The following HCFC1 variants were observed in gnomAD, a reference collection of about 807,000 sequenced individuals.
HCFC1 encodes host cell factor 1.
Under a neutral mutation model 105.5 loss-of-function variants are expected in HCFC1, and 7 were observed. The ratio of observed to expected loss-of-function variants is 0.07; its 90% CI spans 0.04 to 0.12. HCFC1 has a LOEUF of 0.12. Ranked by LOEUF, HCFC1 falls within the 10% of genes least tolerant of loss-of-function variation. HCFC1 has a pLI of 1.00. For missense variants in HCFC1, 1,065 were observed against 1,823.6 expected (o/e 0.58, Z 7.58); for synonymous variants, 918 against 828.1 (o/e 1.11, Z -1.86).
chrX:153,967,950 G>A (rs2065488089), intron 1 of HCFC1, among the ~76,000 whole-genome samples: 1 of 111,442 alleles, frequency 9.0e-6, no homozygotes, highest in Non-Finnish European at 1.9e-5. Context: ...AAGACAGGTG[G>A]CAGAACGGCC....
chrX:153,968,697 A>C (rs2065495850), intron 1 of HCFC1, among the ~76,000 whole-genome samples: 1 of 112,783 alleles, frequency 8.9e-6, no homozygotes, highest in Admixed American at 9.3e-5. Flanking sequence ...GGCCCCAGGA[A>C]GCCAAGGCAG....
rs953124877 is a variant in HCFC1 at position 153,962,004 on chromosome X, T to G, written c.797+218A>C. Among the ~76,000 whole-genome samples, 4 of 109,466 alleles carry G rather than the reference T, an allele frequency of 3.7e-5. No homozygotes were observed. In the East Asian group the frequency reaches 1.1e-3, roughly 31 times the overall value. ...CGGAGCCTCACAGGCCCGGGGAGGG[T>G]CTCAGACTCAGCTTGTGTGTGGCCC... On this transcript the variant is annotated intron_variant, in intron 5 of 25. Transcript: ENST00000310441.
chrX:153,952,117 C>A lies in HCFC1; in HGVS notation c.4984G>T (p.Val1662Leu). Reference protein sequence around the residue: ...PMDTSEAAATVTQAELGHLSA... With the variant: ...PMDTSEAAATLTQAELGHLSA... ...AGGTGCCCCAGCTCCGCCTGAGTCA[C>A]GGTTGCTGCTGCCTCGGAGGTGTCC... Residue 1662 changes from valine to leucine, a missense_variant, in exon 20 of 26, where the codon GTG becomes TTG. By Grantham distance (32) the Val-to-Leu change is conservative. This residue lies in a region of HCFC1 where 115 missense variants were observed against 143.7 expected (regional missense o/e 0.80). Transcript: ENST00000310441. 1 of 1,142,416 alleles carries A rather than the reference C, an allele frequency of 8.8e-7. No homozygotes were observed. The highest frequency in any genetic ancestry group is 1.2e-6 in the Non-Finnish European group (1 of 863,293). The allele number at this position is 1,142,416 out of a possible 1,213,427, so 94.1% of individuals were successfully genotyped here. A position where few individuals can be genotyped will look rare whatever the true frequency, so the allele number is the denominator to read the frequency against.
chrX:153,970,523 G>A (rs1358989271), intron 1 of HCFC1, 125 bp downstream of exon 1: 83 of 463,678 alleles, frequency 1.8e-4, no homozygotes, highest in Non-Finnish European at 2.7e-4. Flanking sequence ...AGGGTAGAGG[G>A]TGAGGGAGGA....
intron 17 of HCFC1, 22 bp from the exon 18 acceptor site, chrX:153,953,792 G>A (rs781886179): frequency 6.2e-5 from 74 of 1,184,329 alleles, no homozygotes; most frequent in Non-Finnish European, 7.9e-5. Context: ...ACAGGCAGGC[G>A]GCTGCTCAGC....
Position 153,954,574 on chromosome X carries a change from C to G in HCFC1, c.3825G>C (p.Leu1275=), listed in dbSNP as rs1464501163. ...SPSTTVTVTA[L]EALLCPSATV... is the part of the protein sequence containing the mutation. ...TGGCCGAGGGGCACAGCAGTGCCTC[C>G]AGGGCTGTCACAGTCACTGTGGTGC... The change falls in exon 17 of 26, where the codon CTG becomes CTC. Residue 1275 remains leucine, a synonymous_variant. Coordinates refer to ENST00000310441, the MANE Select transcript of HCFC1 (RefSeq NM_005334.3). The G allele has an allele frequency of 8.3e-7, 1 of 1,210,934 alleles. No individual in the cohort carries two copies. Among genetic ancestry groups the G allele is most frequent in the African/African-American group, 1.7e-5 (1 of 57,792 alleles).
chrX:153,957,137 T>A (rs1557115267), intron 13 of HCFC1, 77 bp from the exon 14 acceptor site: 2 of 1,096,415 alleles, frequency 1.8e-6, no homozygotes, highest in Non-Finnish European at 1.2e-6. Flanking sequence ...ATAATGAACA[T>A]CCACAAGTCA....
chrX:153,954,307 G>C lies in HCFC1; in HGVS notation c.4092C>G (p.Ser1364=). ...GRPCETHQTT[S]TGTTMSVSVG... ...CGCTGACCGACATGGTGGTGCCAGT[G>C]GAAGTGGTCTGGTGTGTCTCACAGG... The change falls in exon 17 of 26, where the codon TCC becomes TCG. Residue 1364 remains serine, a synonymous_variant. Coordinates refer to ENST00000310441, the MANE Select transcript of HCFC1 (RefSeq NM_005334.3). 8.3e-7 allele frequency: 1 copy of C among 1,199,792 alleles called. No individual in the cohort carries two copies.
rs1355922029 is a variant in HCFC1 at position 153,954,511 on chromosome X, G to A, written c.3888C>T (p.Thr1296=). 2.5e-6 allele frequency: 3 copies of A among 1,211,735 alleles called. No homozygotes were observed. In the Admixed American group the frequency reaches 6.5e-5, roughly 26 times the overall value. The change falls in exon 17 of 26, where the codon ACC becomes ACT. Residue 1296 remains threonine, a synonymous_variant. Transcript: ENST00000310441. ...CGGTGTTGGTGGTGCCTGTCTCGTG[G>A]GTCTCACATGGTGGGTTGGAGCAGA... The part of the protein sequence containing the change: ...TQVCSNPPCE[T]HETGTTNTAT...
rs2065301105 is a variant in HCFC1 at position 153,950,578 on chromosome X, G to A, written c.5704-35C>T. On this transcript the variant is annotated intron_variant, in intron 23 of 25. Transcript: ENST00000310441. ...AGGGGGTCAGAAGGTCAACAGAACA[G>A]GCTAGAGGCTTCCAGAACTGACTAA... is the stretch of plus-strand genomic sequence containing the variant. The A allele has an allele frequency of 5.4e-6, 6 of 1,108,656 alleles. No individual in the cohort carries two copies. In the African/African-American group the frequency reaches 5.5e-5, roughly 10 times the overall value. 91.4% of individuals were successfully genotyped at this position (1,108,656 alleles called of 1,213,427 possible).
intron 1 of HCFC1, among the ~76,000 whole-genome samples, chrX:153,966,280 A>C (rs1211128160): frequency 1.8e-5 from 2 of 112,324 alleles, no homozygotes; most frequent in Non-Finnish European, 3.8e-5. Flanking sequence ...GCTCCTCCTG[A>C]GGCGAGAGCA....
At chrX:153,951,255 T>G in intron 22 of HCFC1, 95 bp downstream of exon 22, 1 of 1,013,815 alleles carries the variant, frequency 9.9e-7, no homozygotes, top group Non-Finnish European at 1.4e-6. Context: ...CTACTCAGCT[T>G]GGCCCAAAGA....
At chrX:153,953,482 G>T in intron 18 of HCFC1, 125 bp downstream of exon 18, 1 of 686,821 alleles carries the variant, frequency 1.5e-6, no homozygotes, top group Non-Finnish European at 2.2e-6. Context: ...GCCCTTTTAT[G>T]GTCCGGAAAA....
rs1167738760 is a variant in HCFC1, at chrX:153,956,571, C to T, written c.2635+54G>A. 4 of 1,196,748 alleles carry T rather than the reference C, an allele frequency of 3.3e-6. No individual in the cohort carries two copies. The African/African-American group carries it at 7.0e-5, about 21-fold the overall frequency. On this transcript the variant is annotated intron_variant, in intron 15 of 25. Transcript: ENST00000310441. ...CTGTGCCATGGGGATTGAAGGCCAG[C>T]CCTGCTTCGTTATAATCTAGGGGTG...
At chrX:153,957,210 G>C in intron 13 of HCFC1, 104 bp downstream of exon 13, 1 of 981,454 alleles carries the variant, frequency 1.0e-6, no homozygotes, top group Non-Finnish European at 1.4e-6. Context: ...GGAGAAGATA[G>C]AAAAGGGTAA....
chrX:153,963,722 C>T (rs1377379521), intron 3 of HCFC1, among the ~76,000 whole-genome samples: 2 of 112,813 alleles, frequency 1.8e-5, no homozygotes, highest in Non-Finnish European at 3.8e-5. Flanking sequence ...ATGAGGGCTC[C>T]GCAGAGCAAG....
intron 1 of HCFC1, among the ~76,000 whole-genome samples, chrX:153,965,695 G>A (rs1368109237): frequency 4.4e-5 from 5 of 112,782 alleles, no homozygotes; most frequent in Non-Finnish European, 9.4e-5. Context: ...GACTCAAGAC[G>A]CAAGATGGGT....
rs1288958626 is a variant in HCFC1, at chrX:153,971,779, G to T, written c.-939C>A. On this transcript the variant is annotated 5_prime_UTR_variant, in exon 1 of 26. In the 5' UTR this introduces an upstream ATG that the reference lacks. Transcript: ENST00000310441. Reference sequence around the variant, plus strand: ...TACGGCAGAAGAAGCGGTAACGGCAGGGCGCTCATGCCTCCTCCCTGGGAG... The same window carrying T: ...TACGGCAGAAGAAGCGGTAACGGCATGGCGCTCATGCCTCCTCCCTGGGAG... 1 of 296,127 alleles carries T rather than the reference G, an allele frequency of 3.4e-6. No individual in the cohort carries two copies. Among genetic ancestry groups the T allele is most frequent in the African/African-American group, 2.7e-5 (1 of 36,665 alleles). The allele number at this position is 296,127 out of a possible 1,213,427, so 24.4% of individuals were successfully genotyped here. A position where few individuals can be genotyped will look rare whatever the true frequency, so the allele number is the denominator to read the frequency against.
chrX:153,963,110 A>G, intron 4 of HCFC1, 115 bp downstream of exon 4: 1 of 555,624 alleles, frequency 1.8e-6, no homozygotes, highest in Non-Finnish European at 3.1e-6. Flanking sequence ...ACGAAGTGGT[A>G]TGCTCCAGCT....
Sources: allele counts gnomAD v4.1 joint callset (sites outside exome capture counted in the v4.1 genomes callset), GRCh38; gene constraint gnomAD v4.1.1; regional missense constraint gnomAD v4.1.1; transcripts MANE v1.5; gene names NCBI Gene and HGNC (gene_info 2026-07-23, HGNC 2026-07-21).